Variants in CDH18 observed in about 807,000 individuals in gnomAD.
CDH18 encodes the protein cadherin-18.
Under a neutral mutation model 67.9 loss-of-function variants are expected in CDH18, and 31 were observed. The ratio of observed to expected loss-of-function variants is 0.46; its 90% CI spans 0.34 to 0.62. The LOEUF (loss-of-function observed/expected upper bound fraction) is 0.62, where lower values mean the gene tolerates loss of function less well. CDH18 is among the 20% of genes least tolerant of loss of function. The pLI is 0.01. For synonymous variants in CDH18, 362 were observed against 347.2 expected (o/e 1.04, Z -0.48); for missense variants, 890 against 975.5 (o/e 0.91, Z 1.17).
At chr5:19,491,438 C>T (rs1042399517) in intron 11 of CDH18, among the ~76,000 whole-genome samples, 2 of 152,092 alleles carry the variant, frequency 1.3e-5, no homozygotes, top group South Asian at 2.1e-4. Context: ...GTTTGAAGGA[C>T]AAAAATAAAC....
chr5:19,484,834 C>T (rs941438024), intron 11 of CDH18, among the ~76,000 whole-genome samples: 2 of 152,200 alleles, frequency 1.3e-5, no homozygotes, highest in African/African-American at 4.8e-5. Context: ...CCACTAACAC[C>T]TGCGCTCCAA....
intron 2 of CDH18, among the ~76,000 whole-genome samples, chr5:20,145,260 T>C (rs1750554130): frequency 1.3e-5 from 2 of 152,188 alleles, no homozygotes; most frequent in Non-Finnish European, 2.9e-5. Context: ...TCTAATAAAA[T>C]TTAACTAGCA....
intron 2 of CDH18, among the ~76,000 whole-genome samples, chr5:20,029,372 A>T (rs1739186989): frequency 6.6e-6 from 1 of 152,180 alleles, no homozygotes; most frequent in Admixed American, 6.6e-5. Flanking sequence ...TATAAATTAG[A>T]TGACTATACA....
At chr5:20,462,847 T>C (rs920888837) in intron 1 of CDH18, among the ~76,000 whole-genome samples, 2 of 152,174 alleles carry the variant, frequency 1.3e-5, no homozygotes, top group Non-Finnish European at 2.9e-5. Flanking sequence ...CTAAGTAAGC[T>C]GGCTCCATGT....
intron 5 of CDH18, among the ~76,000 whole-genome samples, chr5:19,715,538 C>G (rs369543912): frequency 1.3e-5 from 2 of 152,028 alleles, no homozygotes; most frequent in Non-Finnish European, 2.9e-5. Context: ...ATTTTATTGT[C>G]TAACTTTTAT....
intron 2 of CDH18, among the ~76,000 whole-genome samples, chr5:20,217,538 C>A (rs956867463): frequency 1.3e-5 from 2 of 151,126 alleles, no homozygotes; most frequent in Admixed American, 1.3e-4. Flanking sequence ...TAATAAACAG[C>A]AAGGAATTAG....
chr5:19,722,753 AG>A (rs1766273409), intron 4 of CDH18, among the ~76,000 whole-genome samples: 1 of 152,122 alleles, frequency 6.6e-6, no homozygotes, highest in Non-Finnish European at 1.5e-5. Flanking sequence ...CCACATCACT[AG>A]AAAAATTCTA....
At chr5:20,199,946 G>A (rs145586531) in intron 2 of CDH18, among the ~76,000 whole-genome samples, 1 of 151,990 alleles carries the variant, frequency 6.6e-6, no homozygotes, top group Non-Finnish European at 1.5e-5. Context: ...TATGATTCTC[G>A]ATTTCCTGAG....
At chr5:20,428,868 A>G (rs1748527647) in intron 1 of CDH18, among the ~76,000 whole-genome samples, 1 of 152,198 alleles carries the variant, frequency 6.6e-6, no homozygotes. Context: ...GTAATTAGAA[A>G]GAATTTTCTT....
At chr5:20,271,745 G>A (rs962646905) in intron 1 of CDH18, among the ~76,000 whole-genome samples, 10 of 152,040 alleles carry the variant, frequency 6.6e-5, no homozygotes, top group African/African-American at 1.9e-4. Flanking sequence ...TACATCTTGA[G>A]TTGGATTTCC....
chr5:19,907,710 G>T (rs1289010117), intron 2 of CDH18, among the ~76,000 whole-genome samples: 1 of 151,704 alleles, frequency 6.6e-6, no homozygotes, highest in Non-Finnish European at 1.5e-5. Flanking sequence ...ATTTCCAACT[G>T]ATCTGAAAAA....
intron 2 of CDH18, among the ~76,000 whole-genome samples, chr5:19,873,210 A>C (rs999687806): frequency 3.7e-4 from 56 of 151,848 alleles, no homozygotes; most frequent in African/African-American, 1.3e-3. Context: ...CTGAGAAAAA[A>C]AAAAAAAAGC....
At chr5:19,968,898 G>A (rs1051283693) in intron 2 of CDH18, among the ~76,000 whole-genome samples, 1 of 142,258 alleles carries the variant, frequency 7.0e-6, no homozygotes, top group Admixed American at 6.8e-5. Flanking sequence ...CCATCAGAGT[G>A]AACAGGCAAA....
At chr5:20,011,077 CTGT>C (rs1737399802) in intron 2 of CDH18, among the ~76,000 whole-genome samples, 1 of 152,170 alleles carries the variant, frequency 6.6e-6, no homozygotes, top group East Asian at 1.9e-4. Context: ...TCTCAAACAA[CTGT>C]TGTTGTCCAA....
chr5:19,563,147 T>G (rs1222571956), intron 8 of CDH18, among the ~76,000 whole-genome samples: 2 of 152,178 alleles, frequency 1.3e-5, no homozygotes, highest in Non-Finnish European at 2.9e-5. Flanking sequence ...ATACTTGACT[T>G]TTGTAAATGT....
intron 2 of CDH18, among the ~76,000 whole-genome samples, chr5:20,204,192 G>A (rs771648588): frequency 2.0e-5 from 3 of 151,886 alleles, no homozygotes; most frequent in African/African-American, 4.8e-5. Flanking sequence ...CTCAAAGCAC[G>A]TAATAACCAA....
chr5:19,482,739 C>CT (rs1267898351), intron 12 of CDH18, among the ~76,000 whole-genome samples: 2 of 152,280 alleles, frequency 1.3e-5, no homozygotes, highest in Non-Finnish European at 2.9e-5. Context: ...TAGTTACACT[C>CT]TTTTTTCACG....
intron 2 of CDH18, among the ~76,000 whole-genome samples, chr5:19,869,584 A>G (rs1785989835): frequency 6.6e-6 from 1 of 152,122 alleles, no homozygotes; most frequent in African/African-American, 2.4e-5. Context: ...CTACACAAAA[A>G]TGCCTCAAAA....
chr5:19,981,548 C>T (rs1231973659), intron 1 of CDH18, among the ~76,000 whole-genome samples: 1 of 152,198 alleles, frequency 6.6e-6, no homozygotes, highest in Non-Finnish European at 1.5e-5. Context: ...AACCCACTCC[C>T]AAAAGCTCTC....
Sources: allele counts gnomAD v4.1 joint callset (sites outside exome capture counted in the v4.1 genomes callset), GRCh38; gene constraint gnomAD v4.1.1; transcripts MANE v1.5; gene names NCBI Gene and HGNC (gene_info 2026-07-23, HGNC 2026-07-21).